Variants in ACP3 observed in about 807,000 individuals in gnomAD.
ACP3 encodes acid phosphatase 3, also known as prostatic acid phosphatase.
A neutral mutation model predicts 45.6 loss-of-function variants in ACP3; 38 were observed. That is an observed-to-expected ratio of 0.83 (90% CI 0.64 to 1.09). The LOEUF (loss-of-function observed/expected upper bound fraction) is 1.09, where lower values mean the gene tolerates loss of function less well. Among genes scored for constraint, ACP3 ranks in the 50% least tolerant of loss-of-function variants. ACP3 has a pLI of 0.00. For missense variants in ACP3, 466 were observed against 463.2 expected (o/e 1.01, Z -0.05); for synonymous variants, 162 against 164.7 (o/e 0.98, Z 0.13).
intron 5 of ACP3, among the ~76,000 whole-genome samples, chr3:132,341,656 C>T (rs1002966487): frequency 2.0e-5 from 3 of 152,148 alleles, no homozygotes; most frequent in African/African-American, 7.2e-5. Context: ...TTCTATGCTC[C>T]AGAACAGTTA....
At chr3:132,337,911 A>G (rs925308814) in intron 5 of ACP3, among the ~76,000 whole-genome samples, 13 of 152,166 alleles carry the variant, frequency 8.5e-5, no homozygotes, top group Non-Finnish European at 1.5e-4. Flanking sequence ...TACAAAGGAT[A>G]GTCTTTTTTT....
chr3:132,357,508 C>T lies in ACP3; in HGVS notation c.*630C>T, dbSNP rs1937935618. 3 of 985,022 alleles carry T rather than the reference C, an allele frequency of 3.0e-6. No homozygotes were observed. The highest frequency in any genetic ancestry group is 3.5e-5 in the African/African-American group (2 of 57,320). The allele number at this position is 985,022 out of a possible 1,614,324, so 61.0% of individuals were successfully genotyped here. A position where few individuals can be genotyped will look rare whatever the true frequency, so the allele number is the denominator to read the frequency against. On this transcript the variant is annotated 3_prime_UTR_variant, in exon 10 of 10. Coordinates refer to ENST00000336375, the MANE Select transcript of ACP3 (RefSeq NM_001099.5). ...AGGCTACAGAACTAAAAATTAAAAC[C>T]TCTTTGTGTCCCTTGGTCCTGGAAC...
intron 9 of ACP3, among the ~76,000 whole-genome samples, chr3:132,355,894 A>G (rs1171040998): frequency 2.0e-5 from 3 of 148,966 alleles, no homozygotes; most frequent in South Asian, 2.2e-4. Flanking sequence ...CTTGTTTATA[A>G]TGACAACCAA....
chr3:132,347,349 C>T (rs928211196), intron 7 of ACP3, among the ~76,000 whole-genome samples: 2 of 152,226 alleles, frequency 1.3e-5, no homozygotes, highest in Non-Finnish European at 2.9e-5. Flanking sequence ...AACAGCTGCA[C>T]ACATTCCTGC....
chr3:132,346,649 G>A (rs1277301961), intron 7 of ACP3, among the ~76,000 whole-genome samples: 1 of 152,168 alleles, frequency 6.6e-6, no homozygotes. Context: ...AAGATGTAGA[G>A]GGTGCCTTGG....
intron 4 of ACP3, among the ~76,000 whole-genome samples, chr3:132,335,627 A>T (rs902891174): frequency 1.3e-5 from 2 of 152,202 alleles, no homozygotes; most frequent in African/African-American, 4.8e-5. Context: ...GAAAGAAATG[A>T]AACAGGTTAA....
chr3:132,332,990 C>T (rs904857185), intron 4 of ACP3, among the ~76,000 whole-genome samples: 14 of 152,136 alleles, frequency 9.2e-5, no homozygotes, highest in African/African-American at 3.4e-4. Context: ...TATTTCATTC[C>T]AGAGCAATTT....
At chr3:132,345,967 G>T (rs115191378) in intron 7 of ACP3, among the ~76,000 whole-genome samples, 1 of 152,204 alleles carries the variant, frequency 6.6e-6, no homozygotes. Context: ...TCAGGTTGAC[G>T]TAATGAGGAA....
At chr3:132,321,934 G>T (rs1031700342) in intron 1 of ACP3, among the ~76,000 whole-genome samples, 1 of 152,114 alleles carries the variant, frequency 6.6e-6, no homozygotes, top group Non-Finnish European at 1.5e-5. Flanking sequence ...AATGCATCCG[G>T]TGTGCTCGGT....
At position 132,349,918 on chromosome 3, in the gene ACP3, AG is replaced by A. The variant is rs1387862606; in HGVS notation, c.782del. Reference sequence around the variant, plus strand: ...TTTGGTTATTGATTCATCTTCTTTAAGGTGTCCTGGTCAATGAAATCCTCAA... The same window carrying A: ...TTTGGTTATTGATTCATCTTCTTTAAGTGTCCTGGTCAATGAAATCCTCAA... On this transcript the variant is annotated splice_acceptor_variant, in intron 7 of 9. Coordinates refer to ENST00000336375, the MANE Select transcript of ACP3 (RefSeq NM_001099.5). LOFTEE classifies it high-confidence loss of function. 6.2e-7 allele frequency: 1 copy of A among 1,607,954 alleles called. No individual in the cohort carries two copies. The highest frequency in any genetic ancestry group is 8.5e-7 in the Non-Finnish European group (1 of 1,174,660).
chr3:132,340,603 T>C (rs1224044053), intron 5 of ACP3, among the ~76,000 whole-genome samples: 1 of 152,190 alleles, frequency 6.6e-6, no homozygotes, highest in Non-Finnish European at 1.5e-5. Context: ...AGGTATCCTG[T>C]TTAAGTTTTT....
intron 2 of ACP3, among the ~76,000 whole-genome samples, chr3:132,330,167 G>A (rs757433367): frequency 2.0e-4 from 31 of 151,918 alleles, no homozygotes; most frequent in Admixed American, 3.3e-4. Flanking sequence ...CAATCCACCC[G>A]CCTTGGCCTC....
At position 132,328,277 on chromosome 3, in the gene ACP3, A is replaced by T. The variant is rs1937335972; in HGVS notation, c.131A>T (p.His44Leu). Residue 44 changes from histidine to leucine, a missense_variant, in exon 2 of 10, where the codon CAT (histidine) becomes CTT (leucine). By Grantham distance (99) the His-to-Leu change is moderately conservative. Transcript: ENST00000336375. Reference protein sequence around the residue: ...ELKFVTLVFRHGDRSPIDTFP... With the variant: ...ELKFVTLVFRLGDRSPIDTFP... ...CACATCTACTTTCAGGTGTTTCGGC[A>T]TGGAGACCGAAGTCCCATTGACACC... 1 of 1,613,606 alleles carries T rather than the reference A, an allele frequency of 6.2e-7. No homozygotes were observed. The highest frequency in any genetic ancestry group is 1.7e-5 in the Admixed American group (1 of 59,992).
intron 6 of ACP3, among the ~76,000 whole-genome samples, chr3:132,343,216 G>A (rs1354893342): frequency 6.6e-6 from 1 of 152,194 alleles, no homozygotes; most frequent in Non-Finnish European, 1.5e-5. Flanking sequence ...GCCAAAAGGA[G>A]TACTCTCTGT....
Position 132,350,807 on chromosome 3 carries a change from G to A in ACP3, c.864+805G>A, listed in dbSNP as rs201873433. 3.3e-5 allele frequency among the ~76,000 whole-genome samples: 5 copies of A among 152,326 alleles called. No homozygotes were observed. In the East Asian group the frequency reaches 9.6e-4, roughly 29 times the overall value. The stretch of plus-strand genomic sequence containing the variant: ...TGTCAGTGTTTGCTCAGGGAAGGCA[G>A]GGCAGGAGTGACAGGATAGGAGCAG... On this transcript the variant is annotated intron_variant, in intron 8 of 9. Transcript: ENST00000336375.
downstream of ACP3, among the ~76,000 whole-genome samples, chr3:132,359,796 C>T (rs576104375): frequency 1.1e-4 from 17 of 152,308 alleles, no homozygotes; most frequent in African/African-American, 3.8e-4. Context: ...GCAGCCCGCT[C>T]ATACAGATCT....
At chr3:132,337,601 T>C (rs758112013) in intron 5 of ACP3, 47 bp downstream of exon 5, 1 of 1,268,490 alleles carries the variant, frequency 7.9e-7, no homozygotes, top group East Asian at 2.4e-5. Context: ...TTGTTAGTGG[T>C]ACTTGAGTGT....
chr3:132,355,126 G>T (rs759558784), intron 9 of ACP3, among the ~76,000 whole-genome samples: 2 of 152,190 alleles, frequency 1.3e-5, no homozygotes, highest in Admixed American at 6.5e-5. Context: ...AGAGTGCTGT[G>T]CTCACTTGCA....
chr3:132,337,054 A>T (rs1319357470), intron 4 of ACP3, among the ~76,000 whole-genome samples: 3 of 147,600 alleles, frequency 2.0e-5, no homozygotes, highest in Non-Finnish European at 4.5e-5. Flanking sequence ...CCATACATAC[A>T]TGCGTTGGGG....
Sources: gnomAD v4.1 joint callset for allele counts (sites outside exome capture counted in the v4.1 genomes callset) on GRCh38, gnomAD v4.1.1 for gene constraint, MANE v1.5 for transcripts, NCBI Gene and HGNC (gene_info 2026-07-23, HGNC 2026-07-21) for gene names.